Variants in WWOX observed in about 807,000 individuals in gnomAD.
The protein encoded by WWOX is WW domain-containing oxidoreductase.
Under a neutral mutation model 46.2 loss-of-function variants are expected in WWOX, and 69 were observed. That is an observed-to-expected ratio of 1.49 (90% CI 1.23 to 1.82). The LOEUF (loss-of-function observed/expected upper bound fraction) is 1.82, where lower values mean the gene tolerates loss of function less well. Among genes scored for constraint, WWOX ranks in the 40% most tolerant of loss-of-function variants. The pLI, the probability that WWOX is intolerant of heterozygous loss-of-function variation, is 0.00. For synonymous variants in WWOX, 359 were observed against 202.6 expected, an observed-to-expected ratio of 1.77 and a Z score of -6.56; for missense variants, 919 against 542.6, an observed-to-expected ratio of 1.69 and a Z score of -6.89.
chr16:79,108,778 G>C (rs369566768), intron 8 of WWOX, among the ~76,000 whole-genome samples: 1 of 152,014 alleles, frequency 6.6e-6, no homozygotes, highest in East Asian at 1.9e-4. Context: ...GCGTGTGCCT[G>C]TAATCCTAGC....
chr16:79,187,211 C>A (rs1177014430), intron 8 of WWOX, among the ~76,000 whole-genome samples: 1 of 152,230 alleles, frequency 6.6e-6, no homozygotes, highest in South Asian at 2.1e-4. Context: ...ATTTTCCTCC[C>A]CTGTAAAACG....
chr16:78,420,738 C>G (rs28450552), intron 6 of WWOX, among the ~76,000 whole-genome samples: 2 of 150,636 alleles, frequency 1.3e-5, no homozygotes, highest in Admixed American at 6.6e-5. Context: ...ACTAAAACAG[C>G]TGTACAGTAT....
intron 8 of WWOX, among the ~76,000 whole-genome samples, chr16:78,461,386 C>CA (rs1230738146): frequency 3.3e-5 from 5 of 151,542 alleles, no homozygotes; most frequent in Admixed American, 1.3e-4. Flanking sequence ...AACAAACAAA[C>CA]AAAAAATAGG....
rs138054020 is a variant in WWOX, at chr16:78,355,552, G to A, written c.517-31308G>A. 2.2e-4 allele frequency: 92 copies of A among 422,152 alleles called. No homozygotes were observed. In the East Asian group the frequency reaches 5.1e-3, roughly 24 times the overall value. 26.2% of individuals were successfully genotyped at this position (422,152 alleles called of 1,614,324 possible). On this transcript the variant is annotated intron_variant, in intron 5 of 8. Coordinates refer to ENST00000566780, the MANE Select transcript of WWOX (RefSeq NM_016373.4). Reference sequence around the variant, plus strand: ...ACATGGCAGACAACGTAGACCAGCAGCAAACTACCAACACTGTGGAGGATC... The same window carrying A: ...ACATGGCAGACAACGTAGACCAGCAACAAACTACCAACACTGTGGAGGATC...
chr16:78,943,539 C>G (rs1460053093), intron 8 of WWOX, among the ~76,000 whole-genome samples: 1 of 152,160 alleles, frequency 6.6e-6, no homozygotes, highest in African/African-American at 2.4e-5. Context: ...TCAGAGCAGC[C>G]TTGCTCTTGC....
intron 8 of WWOX, among the ~76,000 whole-genome samples, chr16:78,497,026 G>C (rs2084934265): frequency 6.6e-6 from 1 of 152,230 alleles, no homozygotes; most frequent in Non-Finnish European, 1.5e-5. Flanking sequence ...GGAAGGCAAA[G>C]TCAGAAATTA....
intron 8 of WWOX, among the ~76,000 whole-genome samples, chr16:78,610,742 C>T (rs536622706): frequency 6.6e-6 from 1 of 152,192 alleles, no homozygotes; most frequent in Non-Finnish European, 1.5e-5. Flanking sequence ...CATAATCAAA[C>T]CGTCGGGGCT....
At chr16:79,177,544 G>C (rs562264820) in intron 8 of WWOX, among the ~76,000 whole-genome samples, 1 of 152,152 alleles carries the variant, frequency 6.6e-6, no homozygotes, top group East Asian at 1.9e-4. Context: ...TAATTCTCTT[G>C]TCTCTAATCA....
At chr16:79,048,737 G>C (rs1425238143) in intron 8 of WWOX, among the ~76,000 whole-genome samples, 1 of 152,152 alleles carries the variant, frequency 6.6e-6, no homozygotes, top group Non-Finnish European at 1.5e-5. Flanking sequence ...AGCAGATGCA[G>C]ACCCAGCACT....
chr16:78,512,961 T>C (rs1214297004), intron 8 of WWOX, among the ~76,000 whole-genome samples: 2 of 152,216 alleles, frequency 1.3e-5, no homozygotes, highest in African/African-American at 4.8e-5. Flanking sequence ...GCCCTGCATA[T>C]GCTGTGGGTC....
chr16:79,021,061 A>G (rs1412079278), intron 8 of WWOX, among the ~76,000 whole-genome samples: 4 of 152,172 alleles, frequency 2.6e-5, no homozygotes, highest in Non-Finnish European at 4.4e-5. Flanking sequence ...AGAGCAAGAG[A>G]TGTTCATTTA....
intron 8 of WWOX, among the ~76,000 whole-genome samples, chr16:78,563,690 T>C (rs75887935): frequency 0.055 from 8,327 of 152,236 alleles, 288 homozygotes; most frequent in South Asian, 0.098. Flanking sequence ...TTCATTAATA[T>C]CCCTTGTTAT....
intron 8 of WWOX, among the ~76,000 whole-genome samples, chr16:79,182,175 C>T (rs934459239): frequency 7.3e-5 from 11 of 151,490 alleles, no homozygotes; most frequent in Admixed American, 3.3e-4. Flanking sequence ...TCTGGTGGTT[C>T]GTTTTCATCT....
chr16:78,152,083 G>A (rs917932585), intron 4 of WWOX, among the ~76,000 whole-genome samples: 1 of 152,066 alleles, frequency 6.6e-6, no homozygotes, highest in East Asian at 1.9e-4. Flanking sequence ...CCAGCTACTC[G>A]GGAGGCTGAG....
Position 78,386,958 on chromosome 16 carries a change from C to G in WWOX, c.605+10C>G, listed in dbSNP as rs201186695. The G allele has an allele frequency of 6.2e-6, 10 of 1,611,366 alleles. No individual in the cohort carries two copies. The Admixed American group carries it at 1.3e-4, about 21-fold the overall frequency. On this transcript the variant is annotated intron_variant, in intron 6 of 8. Coordinates refer to ENST00000566780, the MANE Select transcript of WWOX (RefSeq NM_016373.4). ...TCAAGGCCAAGAATGTGTGAGTGTTCCAGTGGAGGGTTATAGATCATAATT... is the reference window on the plus strand; with the variant it reads ...TCAAGGCCAAGAATGTGTGAGTGTTGCAGTGGAGGGTTATAGATCATAATT...
In WWOX at chr16:78,821,327, G is replaced by A. The variant is rs537066798; in HGVS notation, c.1056+388575G>A. On this transcript the variant is annotated intron_variant, in intron 8 of 8. Coordinates refer to ENST00000566780, the MANE Select transcript of WWOX (RefSeq NM_016373.4). ...AGCTAGTTATGATGGAGGGTGGGTC[G>A]GAAGCCAAGCGCCCCCCAGCCCCCA... Among the ~76,000 whole-genome samples, 343 of 152,214 alleles carry A rather than the reference G, an allele frequency of 2.3e-3. 2 individuals carry two copies. The highest frequency in any genetic ancestry group is 7.9e-3 in the African/African-American group (328 of 41,546).
At chr16:79,018,728 C>A (rs897211511) in intron 8 of WWOX, among the ~76,000 whole-genome samples, 4 of 152,168 alleles carry the variant, frequency 2.6e-5, no homozygotes, top group Admixed American at 6.5e-5. Flanking sequence ...TTCTGCAGAG[C>A]CATAAACCAG....
chr16:78,753,214 G>C (rs560375391), intron 8 of WWOX, among the ~76,000 whole-genome samples: 5 of 152,144 alleles, frequency 3.3e-5, no homozygotes, highest in African/African-American at 1.2e-4. Context: ...ACAGGATAAT[G>C]GTGTGAATCC....
At chr16:78,885,092 A>C (rs1012721335) in intron 8 of WWOX, among the ~76,000 whole-genome samples, 10 of 152,100 alleles carry the variant, frequency 6.6e-5, no homozygotes, top group Non-Finnish European at 5.9e-5. Flanking sequence ...GTCACTGGCA[A>C]CTTCTGAAAT....
Sources: allele counts gnomAD v4.1 joint callset (sites outside exome capture counted in the v4.1 genomes callset), GRCh38; gene constraint gnomAD v4.1.1; transcripts MANE v1.5; gene names NCBI Gene and HGNC (gene_info 2026-07-23, HGNC 2026-07-21).